SACS: variants seen among roughly 807,000 people sequenced by gnomAD.
The protein encoded by SACS is sacsin.
A neutral mutation model predicts 348.0 loss-of-function variants in SACS; 197 were observed. The observed-to-expected ratio is 0.57, with a 90% confidence interval of 0.50 to 0.64. SACS has a LOEUF of 0.64. Ranked by LOEUF, SACS falls within the 30% of genes least tolerant of loss-of-function variation. The probability of loss-of-function intolerance (pLI) is 0.00; values close to 1 mark genes in which losing one functional copy is unlikely to be tolerated. For synonymous variants in SACS, 1,985 were observed against 1,910.6 expected (o/e 1.04, Z -1.02); for missense variants, 4,999 against 5,360.8 (o/e 0.93, Z 2.11).
chr13:23,336,031 AT>A lies in SACS; in HGVS notation c.7844del (p.Asn2615IlefsTer10), dbSNP rs758572409. The A allele has an allele frequency of 1.2e-6, 2 of 1,612,298 alleles. No individual in the cohort carries two copies. Among genetic ancestry groups the A allele is most frequent in the Non-Finnish European group, 1.7e-6 (2 of 1,178,540 alleles). On this transcript the variant is annotated frameshift_variant, in exon 10 of 10. Transcript: ENST00000382292. LOFTEE classifies it high-confidence loss of function. Reference sequence around the variant, plus strand: ...TTCCATACTGTCCAGTTTTATAAGGATTTCCCTCTTTCGTGCCTTTTCCAAG... The same window carrying A: ...TTCCATACTGTCCAGTTTTATAAGGATTCCCTCTTTCGTGCCTTTTCCAAG... Reference protein sequence around the residue: ...QNLGKGTKEGNPYKTGQYGIG... With the variant: ...QNLGKGTKEGXPYKTGQYGIG...
intron 2 of SACS, among the ~76,000 whole-genome samples, chr13:23,394,715 T>C (rs901112712): frequency 7.2e-5 from 11 of 152,006 alleles, no homozygotes; most frequent in African/African-American, 2.7e-4. Flanking sequence ...ATTAGCCAGG[T>C]GTGGTGGCAC....
intron 2 of SACS, among the ~76,000 whole-genome samples, chr13:23,396,948 T>A (rs1872732607): frequency 6.6e-6 from 1 of 152,176 alleles, no homozygotes; most frequent in African/African-American, 2.4e-5. Flanking sequence ...AAGTTTAAGA[T>A]TACATAATTT....
rs758595733 is a variant in SACS at position 23,331,874 on chromosome 13, C to A, written c.12002G>T (p.Arg4001Ile). ...QFGALCSLQG[R>I]LQLLLSSEQF... The stretch of plus-strand genomic sequence containing the variant: ...TTCAGAAGACAAGAGTAACTGCAAT[C>A]TTCCTTGAAGAGAACACAACGCTCC... The change falls in exon 10 of 10, where the codon AGA (arginine) becomes ATA (isoleucine). Residue 4001 changes from arginine to isoleucine, a missense_variant. By Grantham distance (97) the Arg-to-Ile change is moderately conservative. Around this residue, in one of 6 missense-constraint regions of SACS, gnomAD observed 831 missense variants for 941.8 expected, o/e 0.88. Transcript: ENST00000382292. The A allele has an allele frequency of 6.2e-7, 1 of 1,613,918 alleles. No individual in the cohort carries two copies. The highest frequency in any genetic ancestry group is 8.5e-7 in the Non-Finnish European group (1 of 1,179,950).
chr13:23,366,877 A>G (rs1871098658), intron 5 of SACS, among the ~76,000 whole-genome samples: 1 of 152,238 alleles, frequency 6.6e-6, no homozygotes, highest in Non-Finnish European at 1.5e-5. Context: ...CAAATACCAT[A>G]GAAGGTGGTG....
intron 1 of SACS, among the ~76,000 whole-genome samples, chr13:23,426,420 C>T (rs1336373610): frequency 6.6e-6 from 1 of 152,168 alleles, no homozygotes; most frequent in African/African-American, 2.4e-5. Flanking sequence ...GCGGGCAGAT[C>T]ACCTGAGGTC....
chr13:23,386,116 A>G (rs1010371621), intron 2 of SACS, among the ~76,000 whole-genome samples: 1 of 152,208 alleles, frequency 6.6e-6, no homozygotes, highest in African/African-American at 2.4e-5. Flanking sequence ...TGGTAAATGA[A>G]CTTGGCTTCA....
In SACS at chr13:23,337,124, TG is replaced by T; in HGVS notation, c.6751del (p.Gln2251LysfsTer3). On this transcript the variant is annotated frameshift_variant, in exon 10 of 10. Transcript: ENST00000382292. LOFTEE classifies it high-confidence loss of function. ...AATDLYTAEHQDIVCLLQPIL... is the reference protein window; with the variant it reads ...AATDLYTAEHXDIVCLLQPIL... ...TGGTTGCAAAAGACAAACTATATCT[TG>T]ATGTTCAGCTGTATAAAGGTCAGTT... The T allele has an allele frequency of 6.2e-7, 1 of 1,614,026 alleles. No individual in the cohort carries two copies. The highest frequency in any genetic ancestry group is 1.1e-5 in the South Asian group (1 of 91,076).
rs762671270 is a variant in SACS, at chr13:23,358,315, C to T, written c.604+20G>A. On this transcript the variant is annotated intron_variant, in intron 7 of 9. Transcript: ENST00000382292. ...ATATAATATTTTCTAATACCAAGAC[C>T]GAAAAGCCTAATACTCTACCTGTTA... The T allele has an allele frequency of 1.9e-5, 30 of 1,611,154 alleles. No individual in the cohort carries two copies. The Admixed American group carries it at 3.0e-4, about 16-fold the overall frequency.
At position 23,334,213 on chromosome 13, in the gene SACS, C is replaced by T; in HGVS notation, c.9663G>A (p.Val3221=). The change falls in exon 10 of 10, where the codon GTG becomes GTA. Residue 3221 remains valine (V), a synonymous_variant. Transcript: ENST00000382292. ...ISSFADLLSS[V]LPREYKTKSC... ...TTTTGGTCTTATATTCTCGAGGCAACACAGAGGATAACAAATCAGCAAAGC... is the reference window on the plus strand; with the variant it reads ...TTTTGGTCTTATATTCTCGAGGCAATACAGAGGATAACAAATCAGCAAAGC... 6.2e-7 allele frequency: 1 copy of T among 1,613,796 alleles called. No homozygotes were observed. The highest frequency in any genetic ancestry group is 8.5e-7 in the Non-Finnish European group (1 of 1,179,806).
At chr13:23,385,662 A>G (rs1872261001) in intron 2 of SACS, among the ~76,000 whole-genome samples, 1 of 152,120 alleles carries the variant, frequency 6.6e-6, no homozygotes, top group Admixed American at 6.5e-5. Context: ...CTGGCCAATC[A>G]TGGATGTTCT....
chr13:23,331,043 G>A lies in SACS; in HGVS notation c.12833C>T (p.Pro4278Leu), dbSNP rs574294199. Residue 4278 changes from proline (P) to leucine (L), a missense_variant, in exon 10 of 10, where the codon CCT becomes CTT. By Grantham distance (98) the Pro-to-Leu change is moderately conservative. Transcript: ENST00000382292. ...FLTPGLRSIP[P>L]LFSGRESHKT... ...GTGGCTCTCTCTACCAGAGAAAAGA[G>A]GAGGAATGCTTCTCAGGCCAGGGGT... The A allele has an allele frequency of 9.7e-5, 157 of 1,614,122 alleles. 1 individual carries two copies. The South Asian group carries it at 1.6e-3, about 17-fold the overall frequency.
intron 9 of SACS, among the ~76,000 whole-genome samples, chr13:23,349,908 TG>T (rs1317451458): frequency 6.6e-6 from 1 of 152,142 alleles, no homozygotes; most frequent in Non-Finnish European, 1.5e-5. Flanking sequence ...AAGACTAGGG[TG>T]GTGACTGAAG....
chr13:23,340,752 T>A lies in SACS; in HGVS notation c.3124A>T (p.Ile1042Leu). ...EWLTPLKFIQISQEQMVSAGE... is the reference protein window; with the variant it reads ...EWLTPLKFIQLSQEQMVSAGE... ...GCTGATACCATCTGTTCCTGTGATA[T>A]CTGGATGAATTTTAATGGTGTTAAC... The change falls in exon 10 of 10, where the codon ATA (isoleucine) becomes TTA (leucine). Residue 1042 changes from isoleucine to leucine, a missense_variant. Around this residue, in one of 6 missense-constraint regions of SACS, gnomAD observed 3,156 missense variants for 3,380.1 expected, o/e 0.93. Transcript: ENST00000382292. 1.2e-6 allele frequency: 2 copies of A among 1,604,780 alleles called. No individual in the cohort carries two copies. Among genetic ancestry groups the A allele is most frequent in the South Asian group, 1.1e-5 (1 of 89,242 alleles).
intron 3 of SACS, among the ~76,000 whole-genome samples, chr13:23,371,610 G>A (rs946689173): frequency 6.6e-6 from 1 of 152,144 alleles, no homozygotes; most frequent in African/African-American, 2.4e-5. Flanking sequence ...CTGGCTCTAA[G>A]TTGCTACCTA....
intron 2 of SACS, among the ~76,000 whole-genome samples, chr13:23,409,483 A>C (rs1873397688): frequency 6.7e-6 from 1 of 150,084 alleles, no homozygotes; most frequent in Non-Finnish European, 1.5e-5. Context: ...CAGCCTCCCG[A>C]GTAGCTGGGA....
At chr13:23,411,134 T>C in intron 2 of SACS, 86 bp downstream of exon 2, 1 of 1,157,688 alleles carries the variant, frequency 8.6e-7, no homozygotes, top group Non-Finnish European at 1.3e-6. Context: ...TTTCATTTGT[T>C]TTTGCCTATG....
chr13:23,345,608 G>A (rs977907943), intron 9 of SACS, among the ~76,000 whole-genome samples: 7 of 152,138 alleles, frequency 4.6e-5, no homozygotes, highest in Admixed American at 6.5e-5. Context: ...TCTTTGATTT[G>A]ATACCACCTT....
chr13:23,414,813 T>C (rs1259894342), intron 1 of SACS, among the ~76,000 whole-genome samples: 2 of 152,212 alleles, frequency 1.3e-5, no homozygotes, highest in African/African-American at 4.8e-5. Flanking sequence ...TTCTGCCCAA[T>C]GTATTACTAA....
intron 1 of SACS, among the ~76,000 whole-genome samples, chr13:23,424,234 G>A (rs1874067593): frequency 6.6e-6 from 1 of 152,188 alleles, no homozygotes; most frequent in Non-Finnish European, 1.5e-5. Flanking sequence ...ATCTAAGAAA[G>A]GAGATTTCAG....
Sources: gnomAD v4.1 joint callset for allele counts (sites outside exome capture counted in the v4.1 genomes callset) on GRCh38, gnomAD v4.1.1 for gene constraint, gnomAD v4.1.1 regional missense constraint, MANE v1.5 for transcripts, NCBI Gene and HGNC (gene_info 2026-07-23, HGNC 2026-07-21) for gene names.